Variants in HCN1 observed in about 807,000 individuals in gnomAD.
The protein encoded by HCN1 is hyperpolarization activated cyclic nucleotide gated potassium channel 1, also known as potassium/sodium hyperpolarization-activated cyclic nucleotide-gated channel 1.
Under a neutral mutation model 78.9 loss-of-function variants are expected in HCN1, and 13 were observed. The observed-to-expected ratio is 0.16, with a 90% CI of 0.11 to 0.26. The LOEUF is 0.26. Among genes scored for constraint, HCN1 ranks in the 10% least tolerant of loss-of-function variants. The probability of loss-of-function intolerance (pLI) is 1.00; values close to 1 mark genes in which losing one functional copy is unlikely to be tolerated. For synonymous variants in HCN1, 552 were observed against 455.5 expected (o/e 1.21, Z -2.70); for missense variants, 810 against 1,154.3 (o/e 0.70, Z 4.32).
intron 4 of HCN1, among the ~76,000 whole-genome samples, chr5:45,372,094 T>G (rs1747394462): frequency 1.8e-5 from 1 of 55,006 alleles, no homozygotes; most frequent in African/African-American, 9.9e-5. Context: ...TAATTATATA[T>G]ATATTTTATA....
chr5:45,659,691 AG>A, intron 1 of HCN1, among the ~76,000 whole-genome samples: 1 of 133,592 alleles, frequency 7.5e-6, no homozygotes, highest in African/African-American at 3.0e-5. Context: ...ATCAACTGGA[AG>A]AAAGGGTATC....
chr5:45,595,286 T>G (rs1282527421), intron 2 of HCN1, among the ~76,000 whole-genome samples: 1 of 152,176 alleles, frequency 6.6e-6, no homozygotes, highest in South Asian at 2.1e-4. Context: ...GCCAAGTTGG[T>G]AGCTCTGAAG....
chr5:45,494,802 T>A (rs976460780), intron 2 of HCN1, among the ~76,000 whole-genome samples: 19 of 152,326 alleles, frequency 1.2e-4, no homozygotes, highest in African/African-American at 4.6e-4. Flanking sequence ...GGATCCAGTT[T>A]CAGCTTTCTA....
chr5:45,334,862 ATTTTAG>A (rs1427077881), intron 5 of HCN1, among the ~76,000 whole-genome samples: 1 of 152,016 alleles, frequency 6.6e-6, no homozygotes, highest in Non-Finnish European at 1.5e-5. Flanking sequence ...GATTATGGCC[ATTTTAG>A]TTAACTTTAA....
intron 2 of HCN1, among the ~76,000 whole-genome samples, chr5:45,611,015 T>A (rs1398486120): frequency 6.6e-6 from 1 of 151,404 alleles, no homozygotes; most frequent in Non-Finnish European, 1.5e-5. Flanking sequence ...TTGTGACCTA[T>A]GTTTGTCCAC....
intron 4 of HCN1, among the ~76,000 whole-genome samples, chr5:45,382,773 G>A (rs1261643054): frequency 2.0e-5 from 3 of 152,102 alleles, no homozygotes; most frequent in Admixed American, 6.6e-5. Flanking sequence ...TTCCCTTTCT[G>A]AATTTTATCT....
intron 2 of HCN1, among the ~76,000 whole-genome samples, chr5:45,463,838 A>G (rs1015847080): frequency 1.3e-5 from 2 of 152,086 alleles, no homozygotes; most frequent in Admixed American, 6.5e-5. Context: ...TGTCTTGTGG[A>G]TAAAGACTGC....
intron 3 of HCN1, among the ~76,000 whole-genome samples, chr5:45,458,653 C>T (rs940495004): frequency 1.3e-5 from 2 of 152,172 alleles, no homozygotes; most frequent in African/African-American, 2.4e-5. Context: ...TGCACAAAAC[C>T]GTCCAACATG....
chr5:45,273,120 G>A (rs533054050), intron 6 of HCN1, among the ~76,000 whole-genome samples: 8 of 151,800 alleles, frequency 5.3e-5, no homozygotes, highest in Admixed American at 1.3e-4. Context: ...TAAAAGTAAT[G>A]GGGACTTAGC....
At chr5:45,446,433 G>T (rs1298286310) in intron 3 of HCN1, among the ~76,000 whole-genome samples, 1 of 149,616 alleles carries the variant, frequency 6.7e-6, no homozygotes, top group Admixed American at 6.7e-5. Flanking sequence ...AAAGTGACGG[G>T]GAGAATGGAA....
In HCN1 at chr5:45,261,147, C is replaced by T. The variant is rs1224495511; in HGVS notation, c.*774G>A. On this transcript the variant is annotated 3_prime_UTR_variant, in exon 8 of 8. Coordinates refer to ENST00000303230, the MANE Select transcript of HCN1 (RefSeq NM_021072.4). ...GAAGCAATAAAACTAAATTCTTAAA[C>T]AATGACTTTTACCTTCATACAACAC... 6.6e-6 allele frequency: 1 copy of T among 152,576 alleles called. No individual in the cohort carries two copies. Among genetic ancestry groups the T allele is most frequent in the African/African-American group, 2.4e-5 (1 of 41,436 alleles). The allele number at this position is 152,576 out of a possible 1,614,324, so 9.5% of individuals were successfully genotyped here. A position where few individuals can be genotyped will look rare whatever the true frequency, so the allele number is the denominator to read the frequency against.
At chr5:45,389,853 T>C (rs189127547) in intron 4 of HCN1, among the ~76,000 whole-genome samples, 74 of 152,268 alleles carry the variant, frequency 4.9e-4, no homozygotes, top group Non-Finnish European at 8.4e-4. Flanking sequence ...TGCACTGTTG[T>C]GATTTATTTT....
intron 6 of HCN1, among the ~76,000 whole-genome samples, chr5:45,278,379 A>G (rs1243750332): frequency 6.6e-6 from 1 of 152,138 alleles, no homozygotes; most frequent in African/African-American, 2.4e-5. Context: ...CTGGGAATCA[A>G]TCTTTGTGCA....
intron 6 of HCN1, among the ~76,000 whole-genome samples, chr5:45,295,676 T>C (rs770388896): frequency 5.9e-5 from 9 of 151,996 alleles, no homozygotes; most frequent in Admixed American, 1.3e-4. Flanking sequence ...CTGCCCTCCA[T>C]TTTGTTGGGG....
intron 5 of HCN1, among the ~76,000 whole-genome samples, chr5:45,311,396 G>T (rs373202383): frequency 6.6e-6 from 1 of 152,050 alleles, no homozygotes; most frequent in Non-Finnish European, 1.5e-5. Flanking sequence ...AAATACACTG[G>T]TTCAATTTCT....
rs571337074 is a variant in HCN1 at position 45,564,622 on chromosome 5, A to G, written c.849+80563T>C. ...TTAAAGCAACAATTTTGCTCTAACTATGTAATCCTTTATGCCAGTCTCATT... is the reference window on the plus strand; with the variant it reads ...TTAAAGCAACAATTTTGCTCTAACTGTGTAATCCTTTATGCCAGTCTCATT... On this transcript the variant is annotated intron_variant, in intron 2 of 7. Transcript: ENST00000303230. 2.0e-5 allele frequency among the ~76,000 whole-genome samples: 3 copies of G among 152,322 alleles called. No homozygotes were observed. In the East Asian group the frequency reaches 5.8e-4, roughly 29 times the overall value.
At chr5:45,599,183 G>C (rs541136708) in intron 2 of HCN1, among the ~76,000 whole-genome samples, 3 of 152,274 alleles carry the variant, frequency 2.0e-5, no homozygotes, top group Non-Finnish European at 4.4e-5. Flanking sequence ...TGCTAGACTG[G>C]AGTAAGAAAA....
At chr5:45,496,077 C>G (rs1723105024) in intron 2 of HCN1, among the ~76,000 whole-genome samples, 1 of 152,048 alleles carries the variant, frequency 6.6e-6, no homozygotes, top group Non-Finnish European at 1.5e-5. Flanking sequence ...TTGGTTGTGT[C>G]TCTGCACGGC....
chr5:45,353,036 C>A (rs970186512), intron 5 of HCN1, 64 bp downstream of exon 5: 2 of 1,401,072 alleles, frequency 1.4e-6, no homozygotes, highest in Non-Finnish European at 2.0e-6. Context: ...CTAGAAGATT[C>A]TCCATGAAGA....
Sources: gnomAD v4.1 joint callset for allele counts (sites outside exome capture counted in the v4.1 genomes callset) on GRCh38, gnomAD v4.1.1 for gene constraint, MANE v1.5 for transcripts, NCBI Gene and HGNC (gene_info 2026-07-23, HGNC 2026-07-21) for gene names.